The following IPO8 variants were observed in gnomAD, a reference collection of about 807,000 sequenced individuals.
IPO8 encodes importin 8, also known as importin-8.
IPO8 carries 65 observed loss-of-function variants against 141.2 expected under a neutral mutation model. That is an observed-to-expected ratio of 0.46 (90% CI 0.38 to 0.57). The LOEUF is 0.57. Ranked by LOEUF, IPO8 falls within the 20% of genes least tolerant of loss-of-function variation. IPO8 has a pLI of 0.00. For synonymous variants in IPO8, 411 were observed against 420.3 expected (o/e 0.98, Z 0.27); for missense variants, 980 against 1,246.8 (o/e 0.79, Z 3.22).
rs140372911 is a variant in IPO8 at position 30,661,127 on chromosome 12, C to G, written c.1881+14G>C. On this transcript the variant is annotated intron_variant, in intron 16 of 24. Coordinates refer to ENST00000256079, the MANE Select transcript of IPO8 (RefSeq NM_006390.4). ...AATGCTACTATTATATCATAAACCA[C>G]AAAGAAATCTCACCTCTTTATGATC... The G allele has an allele frequency of 4.4e-3, 6,598 of 1,491,836 alleles. 161 individuals carry two copies. In the East Asian group the frequency reaches 0.077, roughly 17 times the overall value. The allele number at this position is 1,491,836 out of a possible 1,614,324, so 92.4% of individuals were successfully genotyped here.
chr12:30,658,876 C>CTTTTT (rs11337753), intron 16 of IPO8, among the ~76,000 whole-genome samples: 7 of 90,204 alleles, frequency 7.8e-5, no homozygotes, highest in East Asian at 3.1e-4. Flanking sequence ...AGTATCAAGC[C>CTTTTT]TTTTTTTTTT....
intron 1 of IPO8, among the ~76,000 whole-genome samples, chr12:30,693,414 T>G (rs961010480): frequency 6.6e-6 from 1 of 152,208 alleles, no homozygotes; most frequent in African/African-American, 2.4e-5. Flanking sequence ...GAATATAGGC[T>G]GTGGTGCAGA....
intron 4 of IPO8, among the ~76,000 whole-genome samples, 164 bp downstream of exon 4, chr12:30,681,495 T>C (rs1473403023): frequency 6.6e-6 from 1 of 152,180 alleles, no homozygotes; most frequent in East Asian, 1.9e-4. Context: ...TAAAGTTTCT[T>C]TCAATAACTG....
rs1591949074 is a variant in IPO8, at chr12:30,634,281, TCTC to T, written c.2698_2700del (p.Glu900del). The T allele has an allele frequency of 6.2e-7, 1 of 1,612,172 alleles. No individual in the cohort carries two copies. Among genetic ancestry groups the T allele is most frequent in the Non-Finnish European group, 8.5e-7 (1 of 1,178,456 alleles). On this transcript the variant is annotated inframe_deletion and splice_region_variant, in exon 23 of 25. Coordinates refer to ENST00000256079, the MANE Select transcript of IPO8 (RefSeq NM_006390.4). Reference sequence around the variant, plus strand: ...TTTGTCTCCTCTTCATCACTTGAAATCTCCTCTGTGAACCCATTAATTATTTAA... The same window carrying T: ...TTTGTCTCCTCTTCATCACTTGAAATCTCTGTGAACCCATTAATTATTTAA...
At chr12:30,687,554 GT>G (rs2053253723) in intron 2 of IPO8, among the ~76,000 whole-genome samples, 1 of 151,840 alleles carries the variant, frequency 6.6e-6, no homozygotes, top group South Asian at 2.1e-4. Flanking sequence ...AAGTCTTGCT[GT>G]TTTTCATTGT....
At chr12:30,645,537 G>C (rs1196651123) in intron 20 of IPO8, among the ~76,000 whole-genome samples, 1 of 151,894 alleles carries the variant, frequency 6.6e-6, no homozygotes, top group Non-Finnish European at 1.5e-5. Flanking sequence ...GATTAGAGTG[G>C]AAACTAATGA....
rs35828896 is a variant in IPO8 at position 30,695,522 on chromosome 12, GC to G, written c.84+41del. ...GGGAGCCCGGCCAGCCGGCAGGGGC[GC>G]CCCTTCGGCGGAAGAGGGTCGCCGA... On this transcript the variant is annotated intron_variant, in intron 1 of 24. Transcript: ENST00000256079. The surrounding 1 kb of genome is among the most constrained non-coding windows in gnomAD (Gnocchi z 4.2). 2 of 1,567,278 alleles carry G rather than the reference GC, an allele frequency of 1.3e-6. No individual in the cohort carries two copies. The highest frequency in any genetic ancestry group is 2.7e-5 in the African/African-American group (2 of 73,840).
chr12:30,688,373 T>C (rs1374267235), intron 2 of IPO8: 2 of 424,098 alleles, frequency 4.7e-6, no homozygotes, highest in South Asian at 3.4e-5. Flanking sequence ...TGAGCACGCT[T>C]GATGGTAGCA....
chr12:30,660,337 GAACAAA>G (rs2052867910), intron 16 of IPO8, among the ~76,000 whole-genome samples: 1 of 152,296 alleles, frequency 6.6e-6, no homozygotes, highest in Admixed American at 6.5e-5. Context: ...CAGAAGCAAT[GAACAAA>G]AATCTAATTT....
At chr12:30,691,989 G>A (rs1447644868) in intron 1 of IPO8, among the ~76,000 whole-genome samples, 1 of 152,114 alleles carries the variant, frequency 6.6e-6, no homozygotes, top group Non-Finnish European at 1.5e-5. Context: ...GAATTTCAAA[G>A]CAGTTTTTAA....
At chr12:30,645,361 AGACTT>A (rs1214711939) in intron 20 of IPO8, among the ~76,000 whole-genome samples, 1 of 149,984 alleles carries the variant, frequency 6.7e-6, no homozygotes, top group Non-Finnish European at 1.5e-5. Flanking sequence ...TAACACAGCA[AGACTT>A]CATCTCAAAA....
intron 17 of IPO8, among the ~76,000 whole-genome samples, chr12:30,654,022 C>T (rs768513513): frequency 1.3e-5 from 2 of 151,758 alleles, no homozygotes; most frequent in Non-Finnish European, 2.9e-5. Flanking sequence ...CCAATGGAAC[C>T]GATTACAAAG....
chr12:30,667,338 C>A (rs2052980681), intron 10 of IPO8, among the ~76,000 whole-genome samples: 1 of 152,168 alleles, frequency 6.6e-6, no homozygotes. Flanking sequence ...AGGTAAGTGA[C>A]CAAACCAGCA....
intron 21 of IPO8, among the ~76,000 whole-genome samples, chr12:30,639,012 T>C (rs1257015365): frequency 6.6e-6 from 1 of 152,096 alleles, no homozygotes; most frequent in Non-Finnish European, 1.5e-5. Context: ...GTGCTTCACA[T>C]AAAACCAAAT....
rs1163954553 is a variant in IPO8 at position 30,670,944 on chromosome 12, C to T, written c.1044+18G>A. The T allele has an allele frequency of 6.3e-7, 1 of 1,597,344 alleles. No individual in the cohort carries two copies. Among genetic ancestry groups the T allele is most frequent in the Non-Finnish European group, 8.5e-7 (1 of 1,171,834 alleles). The stretch of plus-strand genomic sequence containing the variant: ...TTAACCAGAGAATAATTTTGGAGAG[C>T]TGCTCTCTGACACTAACCTGTATGT... On this transcript the variant is annotated intron_variant, in intron 9 of 24. Coordinates refer to ENST00000256079, the MANE Select transcript of IPO8 (RefSeq NM_006390.4).
chr12:30,632,120 A>C (rs938325032), intron 23 of IPO8, 109 bp from the exon 24 acceptor site: 1 of 703,692 alleles, frequency 1.4e-6, no homozygotes, highest in African/African-American at 1.7e-5. Context: ...AGTAAGAGAC[A>C]AAGAGTACAG....
intron 8 of IPO8, among the ~76,000 whole-genome samples, chr12:30,671,329 C>G (rs2053045648): frequency 6.6e-6 from 1 of 152,124 alleles, no homozygotes; most frequent in South Asian, 2.1e-4. Context: ...GTCTAAATTT[C>G]TATTCCACTG....
At chr12:30,651,169 A>G (rs1045975546) in intron 19 of IPO8, among the ~76,000 whole-genome samples, 81 of 152,108 alleles carry the variant, frequency 5.3e-4, no homozygotes, top group African/African-American at 1.8e-3. Context: ...CTCTTTCTCT[A>G]TCAGCTACCT....
rs1034741730 is a variant in IPO8 at position 30,665,862 on chromosome 12, A to G, written c.1222-17T>C. 3.3e-6 allele frequency: 5 copies of G among 1,512,356 alleles called. No homozygotes were observed. The African/African-American group carries it at 6.9e-5, about 21-fold the overall frequency. The allele number at this position is 1,512,356 out of a possible 1,614,324, so 93.7% of individuals were successfully genotyped here. A position where few individuals can be genotyped will look rare whatever the true frequency, so the allele number is the denominator to read the frequency against. ...TGGCAACACCTAAAGAAACAGAAGA[A>G]TCCATTTAGTCTACATGAACTTTCA... On this transcript the variant is annotated splice_polypyrimidine_tract_variant and intron_variant, in intron 11 of 24. Coordinates refer to ENST00000256079, the MANE Select transcript of IPO8 (RefSeq NM_006390.4).
Sources: allele counts gnomAD v4.1 joint callset (sites outside exome capture counted in the v4.1 genomes callset), GRCh38; gene constraint gnomAD v4.1.1; non-coding constraint Gnocchi (gnomAD v3.1); transcripts MANE v1.5; gene names NCBI Gene and HGNC (gene_info 2026-07-23, HGNC 2026-07-21).